The following KIF6 variants were observed in gnomAD, a reference collection of about 807,000 sequenced individuals.
The protein encoded by KIF6 is kinesin-like protein KIF6.
In KIF6, 106 loss-of-function variants were observed where a neutral mutation model predicts 112.7. That is an observed-to-expected ratio of 0.94 (90% confidence interval 0.80 to 1.11). The LOEUF is 1.11. Among genes scored for constraint, KIF6 ranks in the 50% least tolerant of loss-of-function variants. KIF6 has a pLI of 0.00. For synonymous variants in KIF6, 339 were observed against 339.9 expected, an observed-to-expected ratio of 1.00 and a Z score of 0.03; for missense variants, 929 against 964.0, an observed-to-expected ratio of 0.96 and a Z score of 0.48.
chr6:39,616,806 C>T (rs1418937817), intron 5 of KIF6, among the ~76,000 whole-genome samples: 1 of 152,164 alleles, frequency 6.6e-6, no homozygotes, highest in Non-Finnish European at 1.5e-5. Flanking sequence ...GAGGTAGTTG[C>T]AGAATGAGAG....
At chr6:39,659,127 T>C (rs1785975210) in intron 3 of KIF6, among the ~76,000 whole-genome samples, 1 of 152,198 alleles carries the variant, frequency 6.6e-6, no homozygotes, top group African/African-American at 2.4e-5. Flanking sequence ...ACCGGAAAAC[T>C]GGCCCCAATG....
chr6:39,395,348 G>A (rs753158477), intron 15 of KIF6, among the ~76,000 whole-genome samples: 10 of 152,192 alleles, frequency 6.6e-5, no homozygotes, highest in African/African-American at 2.2e-4. Context: ...TCAAACAAAC[G>A]TGGAGATGCA....
intron 10 of KIF6, among the ~76,000 whole-genome samples, chr6:39,558,739 C>G (rs1006461138): frequency 6.6e-6 from 1 of 152,118 alleles, no homozygotes; most frequent in Non-Finnish European, 1.5e-5. Flanking sequence ...CTGTCTAGGC[C>G]AAAAGAATCC....
intron 13 of KIF6, among the ~76,000 whole-genome samples, chr6:39,524,750 C>G (rs1562286375): frequency 6.6e-6 from 1 of 152,206 alleles, no homozygotes; most frequent in African/African-American, 2.4e-5. Context: ...AGTTGCAATA[C>G]AGCTCATCTT....
rs1206798100 is a variant in KIF6, at chr6:39,544,652, G to A, written c.1329C>T (p.Val443=). The part of the protein sequence containing the change: ...NDKKILENNT[V]SSESKDQDCQ... ...AATCTTGGTCTTTGCTTTCAGAGGA[G>A]ACTGTATTGTTTTCAAGGATCTTCT... is the stretch of plus-strand genomic sequence containing the variant. The change falls in exon 12 of 23, where the codon GTC becomes GTT. Residue 443 remains valine (V), a synonymous_variant. Coordinates refer to ENST00000287152, the MANE Select transcript of KIF6 (RefSeq NM_145027.6). 1 of 1,609,742 alleles carries A rather than the reference G, an allele frequency of 6.2e-7. No homozygotes were observed. The highest frequency in any genetic ancestry group is 8.5e-7 in the Non-Finnish European group (1 of 1,178,300).
At chr6:39,516,571 T>C (rs1464246024) in intron 13 of KIF6, among the ~76,000 whole-genome samples, 1 of 151,402 alleles carries the variant, frequency 6.6e-6, no homozygotes, top group Non-Finnish European at 1.5e-5. Context: ...CAGTTATTAC[T>C]GGGAAAGTGG....
intron 2 of KIF6, among the ~76,000 whole-genome samples, chr6:39,719,794 A>G (rs551403087): frequency 6.6e-6 from 1 of 152,308 alleles, no homozygotes; most frequent in East Asian, 1.9e-4. Flanking sequence ...TATGTAATTT[A>G]AAATTTTCTA....
Position 39,355,135 on chromosome 6 carries a change from G to A in KIF6, c.2180+2142C>T, listed in dbSNP as rs181527929. Among the ~76,000 whole-genome samples the A allele has an allele frequency of 1.2e-3, 184 of 152,244 alleles. 2 individuals are homozygous for A. Among genetic ancestry groups the A allele is most frequent in the African/African-American group, 3.7e-3 (154 of 41,550 alleles). On this transcript the variant is annotated intron_variant, in intron 19 of 22. Coordinates refer to ENST00000287152, the MANE Select transcript of KIF6 (RefSeq NM_145027.6). ...CAGGAGGTCGAGGCTGCAGTGAGCC[G>A]TGATCACACTGCTGTACTCCAGCAT... is the stretch of plus-strand genomic sequence containing the variant.
At chr6:39,407,494 G>C (rs1037530639) in intron 15 of KIF6, among the ~76,000 whole-genome samples, 1 of 152,154 alleles carries the variant, frequency 6.6e-6, no homozygotes, top group African/African-American at 2.4e-5. Flanking sequence ...TGAGTTGCTA[G>C]GTTCTGCTAC....
intron 16 of KIF6, among the ~76,000 whole-genome samples, chr6:39,377,600 CA>C (rs1477716058): frequency 6.6e-6 from 1 of 152,194 alleles, no homozygotes; most frequent in East Asian, 1.9e-4. Context: ...GTGGCATCAA[CA>C]GCCGAGGCCT....
intron 19 of KIF6, among the ~76,000 whole-genome samples, chr6:39,350,349 C>T (rs1764138315): frequency 6.6e-6 from 1 of 152,118 alleles, no homozygotes; most frequent in Non-Finnish European, 1.5e-5. Context: ...CTAAACACAA[C>T]TGCTGTGAGG....
At chr6:39,659,473 G>A (rs1294041883) in intron 3 of KIF6, among the ~76,000 whole-genome samples, 1 of 152,170 alleles carries the variant, frequency 6.6e-6, no homozygotes, top group Non-Finnish European at 1.5e-5. Context: ...GAATGATCAA[G>A]TGATACGGTT....
At chr6:39,678,384 A>G (rs1299886426) in intron 3 of KIF6, among the ~76,000 whole-genome samples, 1 of 152,188 alleles carries the variant, frequency 6.6e-6, no homozygotes, top group Non-Finnish European at 1.5e-5. Flanking sequence ...TGGTCAAATG[A>G]CCTCTAAGAT....
intron 13 of KIF6, among the ~76,000 whole-genome samples, chr6:39,520,806 A>G (rs565067690): frequency 1.3e-5 from 2 of 152,230 alleles, no homozygotes; most frequent in South Asian, 4.1e-4. Flanking sequence ...TTTCGGTCAC[A>G]CTCATTTCCC....
chr6:39,450,925 G>A (rs985943758), intron 13 of KIF6, among the ~76,000 whole-genome samples: 1 of 152,040 alleles, frequency 6.6e-6, no homozygotes, highest in Non-Finnish European at 1.5e-5. Context: ...CAATTTTGTA[G>A]CCTGTTTATT....
intron 13 of KIF6, among the ~76,000 whole-genome samples, chr6:39,472,820 T>C (rs769753809): frequency 1.4e-4 from 21 of 149,834 alleles, no homozygotes; most frequent in Non-Finnish European, 2.5e-4. Context: ...ACTACAGTGT[T>C]AATGTCACCA....
At chr6:39,419,901 C>A in intron 15 of KIF6, 47 bp downstream of exon 15, 1 of 1,508,916 alleles carries the variant, frequency 6.6e-7, no homozygotes, top group African/African-American at 1.4e-5. Context: ...TGATTTTCAC[C>A]AGGAAAATGG....
intron 3 of KIF6, among the ~76,000 whole-genome samples, chr6:39,674,334 T>C (rs150970210): frequency 5.3e-5 from 8 of 152,284 alleles, no homozygotes; most frequent in Non-Finnish European, 1.2e-4. Context: ...AAGCTATAGA[T>C]CAGTCGTGTA....
chr6:39,368,782 A>G (rs1041320242), intron 16 of KIF6, among the ~76,000 whole-genome samples: 2 of 152,194 alleles, frequency 1.3e-5, no homozygotes, highest in Non-Finnish European at 2.9e-5. Context: ...AAAGAAGATG[A>G]TGTTGAAATT....
Sources: gnomAD v4.1 joint callset for allele counts (sites outside exome capture counted in the v4.1 genomes callset) on GRCh38, gnomAD v4.1.1 for gene constraint, MANE v1.5 for transcripts, NCBI Gene and HGNC (gene_info 2026-07-23, HGNC 2026-07-21) for gene names.